The following MIGA1 variants were observed in gnomAD, a reference collection of about 807,000 sequenced individuals.
The protein encoded by MIGA1 is mitoguardin 1.
Under a neutral mutation model 82.0 loss-of-function variants are expected in MIGA1, and 58 were observed. The observed-to-expected ratio is 0.71, with a 90% CI of 0.57 to 0.88. The LOEUF is 0.88. MIGA1 is among the 40% of genes least tolerant of loss of function. The probability of loss-of-function intolerance (pLI) is 0.00; values close to 1 mark genes in which losing one functional copy is unlikely to be tolerated. For synonymous variants in MIGA1, 249 were observed against 253.6 expected (o/e 0.98, Z 0.17); for missense variants, 751 against 749.1 (o/e 1.00, Z -0.03).
At chr1:77,867,465 C>T (rs1163259620) in intron 14 of MIGA1, among the ~76,000 whole-genome samples, 1 of 152,180 alleles carries the variant, frequency 6.6e-6, no homozygotes, top group Non-Finnish European at 1.5e-5. Context: ...GTTGCTAGGA[C>T]TACAGGTGCA....
At chr1:77,823,085 C>T (rs773954682) in intron 7 of MIGA1, among the ~76,000 whole-genome samples, 5 of 152,112 alleles carry the variant, frequency 3.3e-5, no homozygotes, top group Admixed American at 2.0e-4. Flanking sequence ...TCGTGATCCT[C>T]CCGCCTCGGC....
chr1:77,873,972 C>T (rs1016094512), intron 15 of MIGA1, among the ~76,000 whole-genome samples: 2 of 152,080 alleles, frequency 1.3e-5, no homozygotes, highest in Non-Finnish European at 2.9e-5. Flanking sequence ...TGACTTGGGG[C>T]AAATCATTCT....
chr1:77,846,157 C>G (rs978254249), intron 8 of MIGA1, among the ~76,000 whole-genome samples: 8 of 152,120 alleles, frequency 5.3e-5, no homozygotes, highest in Non-Finnish European at 8.8e-5. Context: ...ACCCCCCAGC[C>G]CTTGGCACCC....
chr1:77,833,758 T>A (rs868260715), intron 7 of MIGA1, among the ~76,000 whole-genome samples: 18 of 152,228 alleles, frequency 1.2e-4, no homozygotes, highest in Non-Finnish European at 2.2e-4. Flanking sequence ...CCTGCTCAAG[T>A]CTCTGTAACT....
intron 2 of MIGA1, among the ~76,000 whole-genome samples, chr1:77,794,507 T>C (rs1039413657): frequency 2.0e-5 from 3 of 152,216 alleles, no homozygotes; most frequent in Non-Finnish European, 4.4e-5. Context: ...ATTCAAGTTA[T>C]GCATTTTTGG....
At chr1:77,783,105 G>A (rs886262353) in intron 1 of MIGA1, 133 bp from the exon 2 acceptor site, 39 of 510,236 alleles carry the variant, frequency 7.6e-5, no homozygotes, top group African/African-American at 6.9e-4. Flanking sequence ...TATAATTTTA[G>A]CTCAAGTGTA....
chr1:77,805,332 T>C (rs1683052163), intron 4 of MIGA1, among the ~76,000 whole-genome samples: 1 of 151,966 alleles, frequency 6.6e-6, no homozygotes, highest in Non-Finnish European at 1.5e-5. Flanking sequence ...ATAGCTGCCC[T>C]ATTCTGTAAT....
intron 11 of MIGA1, chr1:77,860,730 A>AT (rs149725705): frequency 0.026 from 4,036 of 153,610 alleles, 94 homozygotes; most frequent in South Asian, 0.1. Context: ...TTTTAGGATG[A>AT]TTAAATAAAT....
chr1:77,877,837 T>G lies in MIGA1; in HGVS notation c.*2773T>G, dbSNP rs1035540351. The G allele has an allele frequency of 6.6e-6, 1 of 152,660 alleles. No individual in the cohort carries two copies. Among genetic ancestry groups the G allele is most frequent in the African/African-American group, 2.4e-5 (1 of 41,454 alleles). The allele number at this position is 152,660 out of a possible 1,614,324, so 9.5% of individuals were successfully genotyped here. On this transcript the variant is annotated 3_prime_UTR_variant, in exon 16 of 16. Coordinates refer to ENST00000370791, the MANE Select transcript of MIGA1 (RefSeq NM_198549.4). ...CTTTTTGTTTTTTCTTTTTCTTTTT[T>G]ACATTTCATCTTAGAAAAAGTTGCT...
At chr1:77,848,439 A>G (rs1447069168) in intron 8 of MIGA1, 2 of 930,034 alleles carry the variant, frequency 2.2e-6, no homozygotes, top group Admixed American at 2.4e-5. Context: ...ATACAGAGAT[A>G]GAGAAAAACA....
intron 2 of MIGA1, among the ~76,000 whole-genome samples, chr1:77,796,244 A>G (rs974153420): frequency 2.0e-5 from 3 of 150,558 alleles, no homozygotes; most frequent in South Asian, 4.2e-4. Flanking sequence ...TCAGCCTCCC[A>G]AGTAGCTGGG....
chr1:77,834,048 T>G (rs1243376805), intron 7 of MIGA1, among the ~76,000 whole-genome samples: 2 of 152,264 alleles, frequency 1.3e-5, no homozygotes, highest in Admixed American at 6.5e-5. Context: ...TTGGGTAATA[T>G]CAGGCTGTTT....
chr1:77,783,289 T>C lies in MIGA1; in HGVS notation c.133T>C (p.Leu45=). Residue 45 remains leucine, a synonymous_variant, in exon 2 of 16, where the codon TTG becomes CTG. Transcript: ENST00000370791. ...AACAGTAAGTGAATCACAGTTTTCC[T>C]TGAAGACAGCAGCGCTAAGAGTGTT... 1.3e-6 allele frequency: 2 copies of C among 1,596,764 alleles called. No homozygotes were observed. The highest frequency in any genetic ancestry group is 1.7e-6 in the Non-Finnish European group (2 of 1,168,254).
At chr1:77,823,754 CG>C (rs1036409350) in intron 7 of MIGA1, among the ~76,000 whole-genome samples, 2 of 152,048 alleles carry the variant, frequency 1.3e-5, no homozygotes, top group African/African-American at 4.8e-5. Context: ...TTTGTAGAGA[CG>C]GGGTCTCACT....
At chr1:77,813,993 C>A in intron 6 of MIGA1, 126 bp downstream of exon 6, 1 of 882,046 alleles carries the variant, frequency 1.1e-6, no homozygotes, top group Non-Finnish European at 1.7e-6. Flanking sequence ...TGGGCTCAAG[C>A]GATCTTCCCG....
rs1646912380 is a variant in MIGA1 at position 77,878,536 on chromosome 1, A to G, written c.*3472A>G. On this transcript the variant is annotated 3_prime_UTR_variant, in exon 16 of 16. Coordinates refer to ENST00000370791, the MANE Select transcript of MIGA1 (RefSeq NM_198549.4). ...GTAAACCCTGTTTAAACACTTAATC[A>G]TGGAATTGCCCTTGCCACCATGAGC... 3.9e-6 allele frequency: 1 copy of G among 257,012 alleles called. No individual in the cohort carries two copies. The highest frequency in any genetic ancestry group is 1.7e-4 in the South Asian group (1 of 5,740). 15.9% of individuals were successfully genotyped at this position (257,012 alleles called of 1,614,324 possible). A position where few individuals can be genotyped will look rare whatever the true frequency, so the allele number is the denominator to read the frequency against.
intron 6 of MIGA1, 79 bp from the exon 7 acceptor site, chr1:77,815,029 T>C: frequency 1.9e-6 from 2 of 1,031,750 alleles, no homozygotes; most frequent in East Asian, 3.1e-5. Flanking sequence ...TCTTTGCCTT[T>C]TATTTAAAAG....
At chr1:77,780,205 G>C (rs1681843679) in intron 1 of MIGA1, 1 of 987,324 alleles carries the variant, frequency 1.0e-6, no homozygotes, top group Non-Finnish European at 1.2e-6. Flanking sequence ...AGGGCAGCTG[G>C]TGAGGTCTCA....
intron 13 of MIGA1, among the ~76,000 whole-genome samples, chr1:77,865,881 A>G (rs899898493): frequency 2.0e-5 from 3 of 152,054 alleles, no homozygotes; most frequent in Non-Finnish European, 4.4e-5. Context: ...AATATTTTCA[A>G]ACAATGTGAG....
Sources: gnomAD v4.1 joint callset for allele counts (sites outside exome capture counted in the v4.1 genomes callset) on GRCh38, gnomAD v4.1.1 for gene constraint, MANE v1.5 for transcripts, NCBI Gene and HGNC (gene_info 2026-07-23, HGNC 2026-07-21) for gene names.